The following AP3B1 variants were observed in gnomAD, a reference collection of about 807,000 sequenced individuals.
AP3B1 encodes the protein adaptor related protein complex 3 subunit beta 1.
Under a neutral mutation model 132.5 loss-of-function variants are expected in AP3B1, and 61 were observed. The observed-to-expected ratio is 0.46, with a 90% CI of 0.37 to 0.57. AP3B1 has a LOEUF of 0.57. Ranked by LOEUF, AP3B1 falls within the 20% of genes least tolerant of loss-of-function variation. The pLI is 0.00. For missense variants in AP3B1, 1,120 were observed against 1,289.4 expected, an observed-to-expected ratio of 0.87 and a Z score of 2.01; for synonymous variants, 388 against 438.3, an observed-to-expected ratio of 0.89 and a Z score of 1.43.
chr5:78,121,144 A>G (rs1429912369), intron 17 of AP3B1, among the ~76,000 whole-genome samples: 4 of 152,142 alleles, frequency 2.6e-5, no homozygotes, highest in South Asian at 2.1e-4. Flanking sequence ...TTTGAAACCA[A>G]CGAGAACAAA....
chr5:78,175,607 A>C lies in AP3B1; in HGVS notation c.1167+19T>G. 2 of 1,602,382 alleles carry C rather than the reference A, an allele frequency of 1.2e-6. No individual in the cohort carries two copies. Among genetic ancestry groups the C allele is most frequent in the Non-Finnish European group, 1.7e-6 (2 of 1,170,112 alleles). ...AAACAAATGTGTTAAAAGCCTCTGA[A>C]AAATGAAAGCATACATACCTTCAGT... On this transcript the variant is annotated intron_variant, in intron 11 of 26. Coordinates refer to ENST00000255194, the MANE Select transcript of AP3B1 (RefSeq NM_003664.5).
intron 14 of AP3B1, among the ~76,000 whole-genome samples, chr5:78,155,339 A>G (rs1743101487): frequency 1.3e-5 from 2 of 152,176 alleles, no homozygotes. Flanking sequence ...CGGCAATTCA[A>G]GACTGTCTTT....
chr5:78,244,811 A>G (rs1747304154), intron 2 of AP3B1, among the ~76,000 whole-genome samples: 1 of 152,302 alleles, frequency 6.6e-6, no homozygotes, highest in South Asian at 2.1e-4. Context: ...CCTGGCCAAC[A>G]TGCTGAAATC....
intron 14 of AP3B1, among the ~76,000 whole-genome samples, chr5:78,148,282 C>A (rs987443067): frequency 6.6e-6 from 1 of 152,122 alleles, no homozygotes; most frequent in African/African-American, 2.4e-5. Context: ...TTTACTAGCA[C>A]AAGTTTTAAC....
chr5:78,253,809 TATA>T (rs1046713114), intron 2 of AP3B1, among the ~76,000 whole-genome samples: 12 of 151,352 alleles, frequency 7.9e-5, no homozygotes, highest in Non-Finnish European at 1.3e-4. Flanking sequence ...TACTAAAAAA[TATA>T]AAAAATTAGC....
At chr5:78,093,597 A>C (rs1208366214) in intron 21 of AP3B1, among the ~76,000 whole-genome samples, 1 of 152,158 alleles carries the variant, frequency 6.6e-6, no homozygotes, top group Non-Finnish European at 1.5e-5. Context: ...TATTCTTCTG[A>C]TCAAAGCTTT....
At chr5:78,262,439 G>A (rs1052791027) in intron 2 of AP3B1, among the ~76,000 whole-genome samples, 1 of 151,930 alleles carries the variant, frequency 6.6e-6, no homozygotes, top group African/African-American at 2.4e-5. Context: ...CCATTTTCTT[G>A]CATATATATA....
chr5:78,178,684 T>G (rs1488801587), intron 8 of AP3B1, among the ~76,000 whole-genome samples: 3 of 152,036 alleles, frequency 2.0e-5, no homozygotes, highest in Non-Finnish European at 4.4e-5. Context: ...GAGTACTGTT[T>G]CCCCTAAGTG....
chr5:78,125,705 TTCAA>T (rs1239190461), intron 17 of AP3B1, among the ~76,000 whole-genome samples: 2 of 152,152 alleles, frequency 1.3e-5, no homozygotes, highest in African/African-American at 4.8e-5. Flanking sequence ...TCAAACCATG[TTCAA>T]TCAGTTATAA....
intron 22 of AP3B1, among the ~76,000 whole-genome samples, chr5:78,056,682 T>TA (rs774448116): frequency 2.6e-5 from 4 of 152,196 alleles, no homozygotes; most frequent in Non-Finnish European, 4.4e-5. Flanking sequence ...ATGTTGATGT[T>TA]AAAAAATATA....
In AP3B1 at chr5:78,225,599, T is replaced by C; in HGVS notation, c.546A>G (p.Pro182=). The change falls in exon 6 of 27, where the codon CCA becomes CCG. Residue 182 remains proline, a synonymous_variant. Coordinates refer to ENST00000255194, the MANE Select transcript of AP3B1 (RefSeq NM_003664.5). ...CTTCAATTAACATTTCCTTCTGCTC[T>C]GGATCAAGGCTAAAAAATACAAAAA... ...HAIQKLYSLD[P]EQKEMLIEVI... is the part of the protein sequence containing the mutation. 6.3e-7 allele frequency: 1 copy of C among 1,575,868 alleles called. No homozygotes were observed.
chr5:78,128,053 G>C lies in AP3B1; in HGVS notation c.1945C>G (p.Arg649Gly), dbSNP rs370293290. ...ACCAACTCTATTACTTCTACATTTC[G>C]AACTGATGGGTCGGGCGCCACCTCT... ...WPEVAPDPSV[R>G]NVEVIELAKE... Residue 649 changes from arginine to glycine, a missense_variant, in exon 17 of 27, where the codon CGA (arginine) becomes GGA (glycine). Arg to Gly is a moderately radical substitution (Grantham distance 125, BLOSUM62 -2). This residue lies in a region of AP3B1 where 906 missense variants were observed against 997.1 expected (regional missense o/e 0.91). Coordinates refer to ENST00000255194, the MANE Select transcript of AP3B1 (RefSeq NM_003664.5). 5 of 1,612,960 alleles carry C rather than the reference G, an allele frequency of 3.1e-6. No individual in the cohort carries two copies. The highest frequency in any genetic ancestry group is 4.2e-6 in the Non-Finnish European group (5 of 1,179,206).
intron 22 of AP3B1, among the ~76,000 whole-genome samples, chr5:78,058,054 C>T (rs911668067): frequency 6.6e-6 from 1 of 152,072 alleles, no homozygotes; most frequent in East Asian, 1.9e-4. Flanking sequence ...CTTTTTAGTT[C>T]TCTACTACCT....
At chr5:78,020,821 C>T in intron 24 of AP3B1, 32 bp from the exon 25 acceptor site, 1 of 1,512,362 alleles carries the variant, frequency 6.6e-7, no homozygotes, top group Non-Finnish European at 9.2e-7. Context: ...TGACTAAATG[C>T]TTCATAAATA....
chr5:78,176,236 A>T (rs984259766), intron 9 of AP3B1, among the ~76,000 whole-genome samples: 1 of 152,136 alleles, frequency 6.6e-6, no homozygotes, highest in African/African-American at 2.4e-5. Context: ...AAAAGTAGTC[A>T]TGTTATTTTT....
At chr5:78,150,342 G>A (rs1216217195) in intron 14 of AP3B1, among the ~76,000 whole-genome samples, 3 of 152,170 alleles carry the variant, frequency 2.0e-5, no homozygotes, top group Non-Finnish European at 4.4e-5. Flanking sequence ...AGTTAGCGTA[G>A]TCCAATGCTA....
intron 26 of AP3B1, among the ~76,000 whole-genome samples, chr5:78,012,380 G>A (rs1413451434): frequency 6.6e-6 from 1 of 151,850 alleles, no homozygotes; most frequent in Non-Finnish European, 1.5e-5. Context: ...GTTTATTTTT[G>A]TTTTAATTGC....
intron 22 of AP3B1, among the ~76,000 whole-genome samples, chr5:78,040,019 A>G (rs1748006654): frequency 6.6e-6 from 1 of 152,034 alleles, no homozygotes; most frequent in African/African-American, 2.4e-5. Context: ...TACCAAAATG[A>G]ACGTCTGGAC....
At chr5:78,168,893 C>G (rs894821442) in intron 11 of AP3B1, among the ~76,000 whole-genome samples, 6 of 148,004 alleles carry the variant, frequency 4.1e-5, no homozygotes, top group African/African-American at 1.6e-4. Context: ...ATGACCTTGA[C>G]ATTTTCGCTA....
Sources: gnomAD v4.1 joint callset for allele counts (sites outside exome capture counted in the v4.1 genomes callset) on GRCh38, gnomAD v4.1.1 for gene constraint, gnomAD v4.1.1 regional missense constraint, MANE v1.5 for transcripts, NCBI Gene and HGNC (gene_info 2026-07-23, HGNC 2026-07-21) for gene names.